Variants in CREBRF observed in about 807,000 individuals in gnomAD.
The protein encoded by CREBRF is CREB3 regulatory factor.
A neutral mutation model predicts 66.1 loss-of-function variants in CREBRF; 5 were observed. The ratio of observed to expected loss-of-function variants is 0.08; its 90% CI spans 0.04 to 0.16. The LOEUF (loss-of-function observed/expected upper bound fraction) is 0.16. CREBRF is among the 10% of genes least tolerant of loss of function. The pLI, the probability that CREBRF is intolerant of heterozygous loss-of-function variation, is 1.00. For missense variants in CREBRF, 531 were observed against 744.9 expected, an observed-to-expected ratio of 0.71 and a Z score of 3.34; for synonymous variants, 229 against 264.4, an observed-to-expected ratio of 0.87 and a Z score of 1.30.
chr5:173,057,990 C>T (rs1157876474), intron 1 of CREBRF, among the ~76,000 whole-genome samples: 1 of 151,346 alleles, frequency 6.6e-6, no homozygotes, highest in African/African-American at 2.4e-5. Flanking sequence ...TGGGACTTTT[C>T]TTGCGAATAC....
chr5:173,059,495 C>T (rs1284804425), intron 1 of CREBRF, among the ~76,000 whole-genome samples: 10 of 151,844 alleles, frequency 6.6e-5, no homozygotes. Flanking sequence ...AACTCCTGAC[C>T]TAAGGTGATC....
intron 4 of CREBRF, among the ~76,000 whole-genome samples, chr5:173,097,388 G>A (rs1192877311): frequency 1.3e-5 from 2 of 152,078 alleles, no homozygotes; most frequent in Non-Finnish European, 2.9e-5. Flanking sequence ...GGGACTACAG[G>A]CACTCACCAC....
In CREBRF at chr5:173,091,259, C is replaced by T. The variant is rs758236862; in HGVS notation, c.1080C>T (p.Asp360=). 13 of 1,613,492 alleles carry T rather than the reference C, an allele frequency of 8.1e-6. No individual in the cohort carries two copies. Among genetic ancestry groups the T allele is most frequent in the African/African-American group, 8.0e-5 (6 of 74,792 alleles). The part of the protein sequence containing the change: ...TKCSPEEDEE[D]EEDVDDEDHD... ...GCAGTCCTGAAGAAGATGAGGAGGACGAGGAGGATGTTGATGATGAGGACC... is the reference window on the plus strand; with the variant it reads ...GCAGTCCTGAAGAAGATGAGGAGGATGAGGAGGATGTTGATGATGAGGACC... The change falls in exon 4 of 9, where the codon GAC becomes GAT. Residue 360 remains aspartate, a synonymous_variant. Transcript: ENST00000296953.
At chr5:173,103,179 T>C (rs186227422) in intron 4 of CREBRF, among the ~76,000 whole-genome samples, 1 of 152,298 alleles carries the variant, frequency 6.6e-6, no homozygotes, top group Admixed American at 6.5e-5. Flanking sequence ...CAGGGTCAAG[T>C]TCTCTTCTTG....
At chr5:173,065,857 A>C (rs1032910232) in intron 1 of CREBRF, among the ~76,000 whole-genome samples, 1 of 151,638 alleles carries the variant, frequency 6.6e-6, no homozygotes. Context: ...GGCTGGTCTT[A>C]AACTCCAGGG....
intron 1 of CREBRF, among the ~76,000 whole-genome samples, chr5:173,067,043 T>G (rs1757456097): frequency 6.6e-6 from 1 of 151,988 alleles, no homozygotes; most frequent in Admixed American, 6.6e-5. Flanking sequence ...GAACTTTTGG[T>G]TGCAAGCAGT....
chr5:173,063,696 TTTC>T (rs1757349861), intron 1 of CREBRF, among the ~76,000 whole-genome samples: 1 of 150,208 alleles, frequency 6.7e-6, no homozygotes, highest in South Asian at 2.1e-4. Context: ...TAATTTTTAA[TTTC>T]TTGATTAAAA....
Position 173,135,919 on chromosome 5 carries a change from T to TG in CREBRF, c.*2175dup, listed in dbSNP as rs1406560149. 6.6e-6 allele frequency: 1 copy of TG among 152,510 alleles called. No individual in the cohort carries two copies. Among genetic ancestry groups the TG allele is most frequent in the Non-Finnish European group, 1.5e-5 (1 of 67,958 alleles). 9.4% of individuals were successfully genotyped at this position (152,510 alleles called of 1,614,324 possible). A position where few individuals can be genotyped will look rare whatever the true frequency, so the allele number is the denominator to read the frequency against. On this transcript the variant is annotated 3_prime_UTR_variant, in exon 9 of 9. Coordinates refer to ENST00000296953, the MANE Select transcript of CREBRF (RefSeq NM_153607.3). ...GGTTTGTACATTCACGCTAAACAGA[T>TG]GATAAGCTCAAGTCTGATGGTTTAA...
At chr5:173,071,830 C>T (rs1438077783) in intron 1 of CREBRF, among the ~76,000 whole-genome samples, 5 of 150,890 alleles carry the variant, frequency 3.3e-5, no homozygotes, top group Admixed American at 2.0e-4. Context: ...CCAAGGCAGG[C>T]GATTGCTTGA....
chr5:173,059,242 C>T (rs940709543), intron 1 of CREBRF, among the ~76,000 whole-genome samples: 5 of 145,322 alleles, frequency 3.4e-5, no homozygotes, highest in Non-Finnish European at 3.0e-5. Context: ...GCTTATTTAT[C>T]AGTTCTTCTT....
intron 1 of CREBRF, among the ~76,000 whole-genome samples, chr5:173,074,032 G>A (rs1359210663): frequency 6.7e-6 from 1 of 150,218 alleles, no homozygotes; most frequent in Non-Finnish European, 1.5e-5. Context: ...GCCGGTTGCG[G>A]TGGCTCATGC....
At chr5:173,125,251 C>T (rs1377720031) in intron 8 of CREBRF, among the ~76,000 whole-genome samples, 2 of 152,088 alleles carry the variant, frequency 1.3e-5, no homozygotes, top group African/African-American at 4.8e-5. Flanking sequence ...TCTCTTAAAG[C>T]ATTATTTGCT....
intron 1 of CREBRF, among the ~76,000 whole-genome samples, chr5:173,059,304 G>A (rs1244482449): frequency 1.1e-4 from 13 of 120,722 alleles, no homozygotes; most frequent in Non-Finnish European, 1.8e-4. Context: ...CGCCCTTGTC[G>A]CCCAGGCTGG....
In CREBRF at chr5:173,091,135, T is replaced by C. The variant is rs1423399878; in HGVS notation, c.956T>C (p.Leu319Pro). Residue 319 changes from leucine (L) to proline (P), a missense_variant, in exon 4 of 9, where the codon CTT becomes CCT. Leu to Pro is a moderately conservative substitution (Grantham distance 98, BLOSUM62 -3). Transcript: ENST00000296953. ...GSLAAGESSS[L>P]SASTSVSDSS... ...CTTGCAGCAGGAGAGAGCAGCAGTC[T>C]TTCTGCCAGTACATCAGTCTCAGAT... 3 of 1,614,110 alleles carry C rather than the reference T, an allele frequency of 1.9e-6. No individual in the cohort carries two copies. The highest frequency in any genetic ancestry group is 1.7e-5 in the Admixed American group (1 of 59,998).
intron 2 of CREBRF, among the ~76,000 whole-genome samples, chr5:173,085,094 C>T (rs1758093784): frequency 6.6e-6 from 1 of 152,000 alleles, no homozygotes; most frequent in Non-Finnish European, 1.5e-5. Context: ...AGGTACGTAC[C>T]ACCACACCTG....
intron 8 of CREBRF, among the ~76,000 whole-genome samples, chr5:173,128,391 T>G: frequency 6.6e-6 from 1 of 152,062 alleles, no homozygotes; most frequent in East Asian, 1.9e-4. Flanking sequence ...TAAAAGAAGA[T>G]GTATTTTCTG....
At chr5:173,084,093 A>G (rs1758052994) in intron 2 of CREBRF, among the ~76,000 whole-genome samples, 1 of 152,174 alleles carries the variant, frequency 6.6e-6, no homozygotes. Context: ...TACTGGATCT[A>G]CTCAAGGGTG....
At chr5:173,074,134 C>G (rs145457037) in intron 1 of CREBRF, among the ~76,000 whole-genome samples, 4,052 of 151,936 alleles carry the variant, frequency 0.027, 84 homozygotes, top group Non-Finnish European at 0.044. Context: ...GAAAACCCAC[C>G]TCTACTAAAA....
At chr5:173,089,152 G>A (rs1249456803) in intron 3 of CREBRF, among the ~76,000 whole-genome samples, 1 of 148,210 alleles carries the variant, frequency 6.7e-6, no homozygotes, top group African/African-American at 2.5e-5. Flanking sequence ...ACTCCAGTCT[G>A]GGTGACAGAG....
Sources: allele counts gnomAD v4.1 joint callset (sites outside exome capture counted in the v4.1 genomes callset), GRCh38; gene constraint gnomAD v4.1.1; transcripts MANE v1.5; gene names NCBI Gene and HGNC (gene_info 2026-07-23, HGNC 2026-07-21).